The following PCDH9 variants were observed in gnomAD, a reference collection of about 807,000 sequenced individuals.
PCDH9 encodes the protein protocadherin 9.
In PCDH9, 24 loss-of-function variants were observed where a neutral mutation model predicts 70.6. That is an observed-to-expected ratio of 0.34 (90% CI 0.25 to 0.48). The LOEUF (loss-of-function observed/expected upper bound fraction) is 0.48. Ranked by LOEUF, PCDH9 falls within the 20% of genes least tolerant of loss-of-function variation. The pLI, the probability that PCDH9 is intolerant of heterozygous loss-of-function variation, is 0.99. For synonymous variants in PCDH9, 562 were observed against 558.5 expected (o/e 1.01, Z -0.09); for missense variants, 1,281 against 1,503.6 (o/e 0.85, Z 2.45).
At position 66,656,382 on chromosome 13, in the gene PCDH9, G is replaced by A. The variant is rs149387139; in HGVS notation, c.3139-24971C>T. Reference sequence around the variant, plus strand: ...TCAGTAGAGTTAAGACACCATCAGAGGTTTCTGGAATTACATTCTAATTAG... The same window carrying A: ...TCAGTAGAGTTAAGACACCATCAGAAGTTTCTGGAATTACATTCTAATTAG... On this transcript the variant is annotated intron_variant, in intron 3 of 4. Coordinates refer to ENST00000377865, the MANE Select transcript of PCDH9 (RefSeq NM_203487.3). 2.0e-3 allele frequency among the ~76,000 whole-genome samples: 300 copies of A among 152,074 alleles called. 1 individual carries two copies. The highest frequency in any genetic ancestry group is 7.1e-3 in the African/African-American group (294 of 41,488).
intron 4 of PCDH9, among the ~76,000 whole-genome samples, chr13:66,346,941 A>C (rs1956220691): frequency 6.6e-6 from 1 of 152,234 alleles, no homozygotes; most frequent in Non-Finnish European, 1.5e-5. Context: ...CATAGTGGAA[A>C]TACAAATGCT....
intron 2 of PCDH9, among the ~76,000 whole-genome samples, chr13:66,916,047 T>A (rs372945542): frequency 1.3e-5 from 2 of 151,518 alleles, no homozygotes; most frequent in East Asian, 3.9e-4. Flanking sequence ...CTGTTATAGA[T>A]GAGGAAATGA....
At chr13:66,672,014 A>T (rs1334029540) in intron 3 of PCDH9, among the ~76,000 whole-genome samples, 1 of 152,140 alleles carries the variant, frequency 6.6e-6, no homozygotes, top group African/African-American at 2.4e-5. Context: ...AACCCTTCCC[A>T]TCATAGGCCT....
intron 3 of PCDH9, among the ~76,000 whole-genome samples, chr13:66,854,057 C>G (rs751601594): frequency 7.9e-5 from 12 of 152,094 alleles, no homozygotes; most frequent in Admixed American, 2.6e-4. Context: ...CAAAGAAGCA[C>G]TAAAATGTAA....
chr13:66,481,048 A>C (rs576962503), intron 4 of PCDH9, among the ~76,000 whole-genome samples: 1 of 152,118 alleles, frequency 6.6e-6, no homozygotes, highest in East Asian at 1.9e-4. Context: ...GCAAACTAAC[A>C]CAGGAACAGA....
At chr13:67,054,031 C>T (rs184432833) in intron 2 of PCDH9, among the ~76,000 whole-genome samples, 3 of 152,222 alleles carry the variant, frequency 2.0e-5, no homozygotes, top group East Asian at 3.9e-4. Context: ...TGCCAATTTG[C>T]GCCCTCCTCC....
intron 2 of PCDH9, among the ~76,000 whole-genome samples, chr13:67,129,177 A>G (rs75650780): frequency 1.3e-5 from 2 of 152,200 alleles, no homozygotes; most frequent in Admixed American, 6.5e-5. Context: ...TGTAAAGTAC[A>G]GAAGGTATAT....
chr13:66,339,379 G>C (rs1593824595), intron 4 of PCDH9, among the ~76,000 whole-genome samples: 1 of 151,878 alleles, frequency 6.6e-6, no homozygotes, highest in African/African-American at 2.4e-5. Flanking sequence ...GATGTGTGTT[G>C]GGGGGGTGTG....
chr13:66,718,483 G>GA (rs1033789971), intron 3 of PCDH9, among the ~76,000 whole-genome samples: 6 of 151,664 alleles, frequency 4.0e-5, no homozygotes, highest in East Asian at 3.9e-4. Flanking sequence ...CCATGCTGCT[G>GA]AAAAAAAATG....
At chr13:67,141,213 C>T (rs2087378172) in intron 2 of PCDH9, among the ~76,000 whole-genome samples, 1 of 151,978 alleles carries the variant, frequency 6.6e-6, no homozygotes, top group Admixed American at 6.6e-5. Flanking sequence ...ATACAGTGGG[C>T]TAAGTGTTAT....
In PCDH9 at chr13:66,486,260, G is replaced by A. The variant is rs574628086; in HGVS notation, c.3340+144950C>T. The stretch of plus-strand genomic sequence containing the variant: ...AGTTTGAGACCAGACTGGGCAACAT[G>A]GTGAGACTCCATCTCTACAAAAAAC... On this transcript the variant is annotated intron_variant, in intron 4 of 4. Transcript: ENST00000377865. 2.0e-5 allele frequency among the ~76,000 whole-genome samples: 3 copies of A among 150,828 alleles called. No homozygotes were observed. In the South Asian group the frequency reaches 6.3e-4, roughly 31 times the overall value.
At chr13:66,922,052 T>C (rs2082645139) in intron 2 of PCDH9, among the ~76,000 whole-genome samples, 1 of 151,302 alleles carries the variant, frequency 6.6e-6, no homozygotes, top group African/African-American at 2.4e-5. Flanking sequence ...CTTATCTCAT[T>C]TGTAGGTAAT....
chr13:66,783,958 GAATA>G (rs1255467167), intron 3 of PCDH9, among the ~76,000 whole-genome samples: 4 of 151,922 alleles, frequency 2.6e-5, no homozygotes, highest in African/African-American at 9.7e-5. Context: ...AAATGTAGCA[GAATA>G]AATCCCAAAA....
intron 4 of PCDH9, among the ~76,000 whole-genome samples, chr13:66,519,274 A>C (rs1959881733): frequency 6.6e-6 from 1 of 152,124 alleles, no homozygotes; most frequent in Admixed American, 6.6e-5. Context: ...ATACCTGGTA[A>C]GATCTATATT....
intron 3 of PCDH9, among the ~76,000 whole-genome samples, chr13:66,716,319 AGC>A (rs1480063149): frequency 2.0e-5 from 3 of 152,212 alleles, no homozygotes; most frequent in African/African-American, 7.2e-5. Context: ...CAGAGAGATA[AGC>A]AATGCTTAGG....
At chr13:66,509,048 A>G (rs889888290) in intron 4 of PCDH9, among the ~76,000 whole-genome samples, 7 of 152,186 alleles carry the variant, frequency 4.6e-5, no homozygotes, top group Non-Finnish European at 5.9e-5. Flanking sequence ...AGATTATTAT[A>G]CAATATTAGG....
intron 3 of PCDH9, among the ~76,000 whole-genome samples, chr13:66,682,928 T>C (rs2078347989): frequency 6.6e-6 from 1 of 152,166 alleles, no homozygotes; most frequent in Admixed American, 6.6e-5. Context: ...CATGAGTAGC[T>C]GCAGAGAGAA....
intron 4 of PCDH9, among the ~76,000 whole-genome samples, chr13:66,452,515 G>A (rs1958234499): frequency 6.6e-6 from 1 of 151,862 alleles, no homozygotes; most frequent in South Asian, 2.1e-4. Context: ...TGAGTGCTTT[G>A]GAACTTACAT....
At position 66,723,960 on chromosome 13, in the gene PCDH9, T is replaced by C. The variant is rs545849690; in HGVS notation, c.3139-92549A>G. 2.0e-5 allele frequency among the ~76,000 whole-genome samples: 3 copies of C among 152,298 alleles called. No homozygotes were observed. In the South Asian group the frequency reaches 6.2e-4, roughly 32 times the overall value. On this transcript the variant is annotated intron_variant, in intron 3 of 4. Transcript: ENST00000377865. ...ATGTAAAGTACATGGTTTTCCTTAATTGGAAGTTATTCTTTAAAAGCAAGC... is the reference window on the plus strand; with the variant it reads ...ATGTAAAGTACATGGTTTTCCTTAACTGGAAGTTATTCTTTAAAAGCAAGC...
Sources: allele counts gnomAD v4.1 joint callset (sites outside exome capture counted in the v4.1 genomes callset), GRCh38; gene constraint gnomAD v4.1.1; transcripts MANE v1.5; gene names NCBI Gene and HGNC (gene_info 2026-07-23, HGNC 2026-07-21).